Variants in LHPP observed in about 807,000 individuals in gnomAD.
LHPP encodes hLHPP.
A neutral mutation model predicts 30.3 loss-of-function variants in LHPP; 24 were observed. The ratio of observed to expected loss-of-function variants is 0.79; its 90% CI spans 0.57 to 1.11. The LOEUF is 1.11. Among genes scored for constraint, LHPP ranks in the 50% most tolerant of loss-of-function variants. LHPP has a pLI of 0.00. For missense variants in LHPP, 356 were observed against 367.2 expected, an observed-to-expected ratio of 0.97 and a Z score of 0.25; for synonymous variants, 150 against 157.1, an observed-to-expected ratio of 0.95 and a Z score of 0.34.
Position 124,576,254 on chromosome 10 carries a change from C to T in LHPP, c.717-37010C>T, listed in dbSNP as rs1564838628. 1.3e-5 allele frequency among the ~76,000 whole-genome samples: 2 copies of T among 152,096 alleles called. No individual in the cohort carries two copies. The highest frequency in any genetic ancestry group is 2.4e-5 in the African/African-American group (1 of 41,394). ...AGTGAGAATACAGCTTTCCCAGAAACGTGTTCAAAGAAAAACCCATTACCA... is the reference window on the plus strand; with the variant it reads ...AGTGAGAATACAGCTTTCCCAGAAATGTGTTCAAAGAAAAACCCATTACCA... On this transcript the variant is annotated intron_variant, in intron 6 of 6. Coordinates refer to ENST00000368842, the MANE Select transcript of LHPP (RefSeq NM_022126.4). The surrounding 1 kb of genome is among the most constrained non-coding windows in gnomAD (Gnocchi z 4.2).
intron 2 of LHPP, among the ~76,000 whole-genome samples, chr10:124,486,466 T>C (rs931325942): frequency 1.3e-5 from 2 of 152,220 alleles, no homozygotes; most frequent in Non-Finnish European, 1.5e-5. Context: ...GTTAGACTTA[T>C]TACTGTGAAA....
intron 3 of LHPP, among the ~76,000 whole-genome samples, chr10:124,493,390 A>G (rs1953594104): frequency 6.6e-6 from 1 of 152,144 alleles, no homozygotes; most frequent in Non-Finnish European, 1.5e-5. Flanking sequence ...TGCGGGACAC[A>G]GGGGCACAGG....
intron 6 of LHPP, chr10:124,545,856 G>T (rs1481345133): frequency 6.6e-6 from 1 of 152,258 alleles, no homozygotes; most frequent in Non-Finnish European, 1.5e-5. Context: ...CAGTTGGGGG[G>T]AAAATGCAGC....
rs1176396428 is a variant in LHPP, at chr10:124,613,701, C to T, written c.*341C>T. The T allele has an allele frequency of 1.3e-5, 5 of 399,300 alleles. No homozygotes were observed. The highest frequency in any genetic ancestry group is 2.3e-5 in the Non-Finnish European group (5 of 214,442). The allele number at this position is 399,300 out of a possible 1,614,324, so 24.7% of individuals were successfully genotyped here. A position where few individuals can be genotyped will look rare whatever the true frequency, so the allele number is the denominator to read the frequency against. ...GGAATCTCCCAAATCCCAGAACTCA[C>T]CACTCACCATGGGCCTTTAAATGCA... On this transcript the variant is annotated 3_prime_UTR_variant, in exon 7 of 7. Coordinates refer to ENST00000368842, the MANE Select transcript of LHPP (RefSeq NM_022126.4).
intron 1 of LHPP, among the ~76,000 whole-genome samples, chr10:124,474,132 CTT>C (rs544464876): frequency 0.11 from 8,090 of 71,270 alleles, 123 homozygotes; most frequent in Middle Eastern, 0.15. Context: ...TTGCTTTGCC[CTT>C]TTTTTTTTTT....
intron 1 of LHPP, among the ~76,000 whole-genome samples, chr10:124,462,646 A>T (rs1276017777): frequency 1.3e-5 from 2 of 152,162 alleles, no homozygotes; most frequent in Non-Finnish European, 2.9e-5. Context: ...TAAAATAAAA[A>T]CATGAAAATG....
rs1179065530 is a variant in LHPP at position 124,613,337 on chromosome 10, C to T, written c.790C>T (p.Leu264=). Residue 264 remains leucine, a synonymous_variant, in exon 7 of 7, where the codon CTG becomes TTG. Coordinates refer to ENST00000368842, the MANE Select transcript of LHPP (RefSeq NM_022126.4). ...VDNLAEAVDL[L]LQHADK ...CAACCTCGCAGAGGCAGTGGACCTG[C>T]TGCTGCAGCACGCCGACAAGTGATG... The T allele has an allele frequency of 6.2e-7, 1 of 1,612,960 alleles. No individual in the cohort carries two copies. Among genetic ancestry groups the T allele is most frequent in the East Asian group, 2.2e-5 (1 of 44,876 alleles).
chr10:124,601,734 G>A (rs1005240095), intron 6 of LHPP, among the ~76,000 whole-genome samples: 4 of 152,214 alleles, frequency 2.6e-5, no homozygotes, highest in African/African-American at 9.7e-5. Context: ...AGACTGGTGG[G>A]TGCCAAGGTT....
Position 124,507,042 on chromosome 10 carries a change from G to A in LHPP, c.624+8914G>A, listed in dbSNP as rs1006272483. Among the ~76,000 whole-genome samples, 45 of 22,560 alleles carry A rather than the reference G, an allele frequency of 2.0e-3. 6 individuals carry two copies. The highest frequency in any genetic ancestry group is 3.2e-3 in the African/African-American group (14 of 4,436). The allele number at this position is 22,560 out of a possible 152,430, so 14.8% of individuals were successfully genotyped here. ...GTAGACAGGATTTCAGGTGAGGGGG[G>A]TAGGGAGGATTTCAGGTGTAGGGGT... On this transcript the variant is annotated intron_variant, in intron 5 of 6. Transcript: ENST00000368842.
At chr10:124,495,314 C>T (rs935309651) in intron 3 of LHPP, among the ~76,000 whole-genome samples, 4 of 152,138 alleles carry the variant, frequency 2.6e-5, no homozygotes, top group South Asian at 2.1e-4. Flanking sequence ...CCCAAGCCCA[C>T]GTCATGACAG....
rs373948138 is a variant in LHPP, at chr10:124,527,772, CTTT to C, written c.716+10511_716+10513del. 1.2e-3 allele frequency among the ~76,000 whole-genome samples: 121 copies of C among 104,226 alleles called. 1 individual carries two copies. The highest frequency in any genetic ancestry group is 4.5e-3 in the African/African-American group (103 of 23,052). 68.4% of individuals were successfully genotyped at this position (104,226 alleles called of 152,430 possible). On this transcript the variant is annotated intron_variant, in intron 6 of 6. Transcript: ENST00000368842. ...TAACCTTGGACGTGATCTCTTTGTG[CTTT>C]TTTTTTTTTGTTTTTTTCTTTTTGA...
chr10:124,613,382 C>CCTCCTCCACCCCTGCCT lies in LHPP; in HGVS notation c.*41_*57dup, dbSNP rs138101243. On this transcript the variant is annotated 3_prime_UTR_variant, in exon 7 of 7. Coordinates refer to ENST00000368842, the MANE Select transcript of LHPP (RefSeq NM_022126.4). ...GTGATGGCCTCCTGGGAGAGCCCCGCCTCCTCCACCCCTGCCTCTCCTCCA... is the reference window on the plus strand; with the variant it reads ...GTGATGGCCTCCTGGGAGAGCCCCGCCTCCTCCACCCCTGCCTCTCCTCCACCCCTGCCTCTCCTCCA... 69 of 1,534,556 alleles carry CCTCCTCCACCCCTGCCT rather than the reference C, an allele frequency of 4.5e-5. 2 individuals carry two copies. Among genetic ancestry groups the CCTCCTCCACCCCTGCCT allele is most frequent in the African/African-American group, 8.2e-5 (6 of 73,080 alleles).
intron 2 of LHPP, among the ~76,000 whole-genome samples, chr10:124,485,283 T>C (rs1387613176): frequency 1.3e-5 from 2 of 152,054 alleles, no homozygotes; most frequent in African/African-American, 4.8e-5. Flanking sequence ...AAGAAAAATA[T>C]CTTGCCCCAC....
intron 5 of LHPP, among the ~76,000 whole-genome samples, chr10:124,505,859 C>T (rs896335750): frequency 6.6e-6 from 1 of 152,110 alleles, no homozygotes; most frequent in Non-Finnish European, 1.5e-5. Flanking sequence ...AGAACCCTCG[C>T]CTGGAGGGGC....
chr10:124,547,233 C>G (rs1179893741), intron 6 of LHPP, among the ~76,000 whole-genome samples: 3 of 152,158 alleles, frequency 2.0e-5, no homozygotes, highest in Non-Finnish European at 4.4e-5. Flanking sequence ...GTGTGGAGTT[C>G]CAGTTCATTC....
At chr10:124,520,178 G>A (rs1345034983) in intron 6 of LHPP, among the ~76,000 whole-genome samples, 1 of 152,044 alleles carries the variant, frequency 6.6e-6, no homozygotes, top group South Asian at 2.1e-4. Context: ...ACATGTGCAG[G>A]TTCATTACAT....
chr10:124,493,732 C>T (rs1953608788), intron 3 of LHPP: 1 of 152,168 alleles, frequency 6.6e-6, no homozygotes, highest in Non-Finnish European at 1.5e-5. Context: ...TCCACGGGTT[C>T]CTCTTTGTGG....
Position 124,496,869 on chromosome 10 carries a change from G to T in LHPP, c.468-92G>T. 8.6e-7 allele frequency: 1 copy of T among 1,169,112 alleles called. No individual in the cohort carries two copies. The highest frequency in any genetic ancestry group is 1.2e-6 in the Non-Finnish European group (1 of 807,162). The allele number at this position is 1,169,112 out of a possible 1,614,324, so 72.4% of individuals were successfully genotyped here. ...GCCGCGGCTTGGCTCTGCAGCCAGC[G>T]GGACAGGCCCGGTGCTCAGCTCCCG... On this transcript the variant is annotated intron_variant, in intron 3 of 6. Transcript: ENST00000368842. This position sits in a 1 kb window ranked among gnomAD's most constrained non-coding sequence, Gnocchi z 4.3.
At chr10:124,484,632 T>C (rs1589775784) in intron 2 of LHPP, among the ~76,000 whole-genome samples, 1 of 150,486 alleles carries the variant, frequency 6.6e-6, no homozygotes, top group East Asian at 1.9e-4. Context: ...CAGGGAATTG[T>C]CAAGGTGGCG....
Sources: gnomAD v4.1 joint callset for allele counts (sites outside exome capture counted in the v4.1 genomes callset) on GRCh38, gnomAD v4.1.1 for gene constraint, Gnocchi (gnomAD v3.1) non-coding constraint, MANE v1.5 for transcripts, NCBI Gene and HGNC (gene_info 2026-07-23, HGNC 2026-07-21) for gene names.